The following SUMF1 variants were observed in gnomAD, a reference collection of about 807,000 sequenced individuals.
The protein encoded by SUMF1 is sulfatase modifying factor 1, also known as formylglycine-generating enzyme.
A neutral mutation model predicts 47.6 loss-of-function variants in SUMF1; 48 were observed. The ratio of observed to expected loss-of-function variants is 1.01; its 90% confidence interval spans 0.80 to 1.28. The LOEUF is 1.28. Among genes scored for constraint, SUMF1 ranks in the 50% most tolerant of loss-of-function variants. The pLI, the probability that SUMF1 is intolerant of heterozygous loss-of-function variation, is 0.00. For missense variants in SUMF1, 571 were observed against 485.4 expected (o/e 1.18, Z -1.66); for synonymous variants, 230 against 192.1 (o/e 1.20, Z -1.63).
At chr3:4,447,658 C>T (rs1192954670) in intron 3 of SUMF1, among the ~76,000 whole-genome samples, 1 of 152,128 alleles carries the variant, frequency 6.6e-6, no homozygotes, top group African/African-American at 2.4e-5. Flanking sequence ...CTTAGCTCTC[C>T]CTGATCATTG....
chr3:4,220,605 G>A (rs1046351142), intron 8 of SUMF1, among the ~76,000 whole-genome samples: 2 of 151,798 alleles, frequency 1.3e-5, no homozygotes, highest in Non-Finnish European at 2.9e-5. Context: ...AGTGTTCTTG[G>A]ATGATGTTTT....
chr3:4,244,029 T>C (rs7626456), intron 8 of SUMF1, among the ~76,000 whole-genome samples: 4,407 of 152,270 alleles, frequency 0.029, 212 homozygotes, highest in African/African-American at 0.1. Context: ...TCTTTATCTC[T>C]TTTGATCTTT....
At chr3:4,055,947 T>C (rs547890787) in intron 9 of SUMF1, among the ~76,000 whole-genome samples, 66 of 152,258 alleles carry the variant, frequency 4.3e-4, no homozygotes, top group African/African-American at 1.6e-3. Context: ...TCTTCCTCTA[T>C]CTTCAAAGCC....
intron 3 of SUMF1, among the ~76,000 whole-genome samples, chr3:4,434,597 T>C (rs1203516067): frequency 6.6e-6 from 1 of 152,228 alleles, no homozygotes; most frequent in Non-Finnish European, 1.5e-5. Context: ...CTGTACCAGG[T>C]GGTACTGTAT....
At chr3:4,207,226 A>G (rs1355408749) in intron 8 of SUMF1, among the ~76,000 whole-genome samples, 2 of 152,156 alleles carry the variant, frequency 1.3e-5, no homozygotes, top group Non-Finnish European at 1.5e-5. Flanking sequence ...CTTGCTTATT[A>G]AGGCAGATTC....
chr3:4,394,123 T>G (rs894388047), intron 7 of SUMF1, among the ~76,000 whole-genome samples: 1 of 152,128 alleles, frequency 6.6e-6, no homozygotes, highest in African/African-American at 2.4e-5. Context: ...GTTTTTATTA[T>G]TATTTTTTTA....
chr3:4,454,167 T>C (rs1025528642), intron 1 of SUMF1, among the ~76,000 whole-genome samples: 79 of 152,288 alleles, frequency 5.2e-4, no homozygotes, highest in African/African-American at 1.6e-3. Context: ...TAATTCCTTA[T>C]AAAAACCCTA....
intron 9 of SUMF1, among the ~76,000 whole-genome samples, chr3:4,040,553 A>T (rs368531114): frequency 6.6e-6 from 1 of 152,348 alleles, no homozygotes; most frequent in East Asian, 1.9e-4. Context: ...ATCAACTTCC[A>T]AAATACTCGT....
At chr3:4,212,811 G>A (rs551314139) in intron 8 of SUMF1, among the ~76,000 whole-genome samples, 24 of 152,114 alleles carry the variant, frequency 1.6e-4, no homozygotes, top group East Asian at 3.9e-4. Flanking sequence ...AAAGGATATC[G>A]GTTATTCAAG....
intron 8 of SUMF1, among the ~76,000 whole-genome samples, chr3:4,115,297 T>C (rs1693396361): frequency 6.6e-6 from 1 of 152,072 alleles, no homozygotes; most frequent in African/African-American, 2.4e-5. Context: ...TGAGAGCTAC[T>C]TCTACTCAAC....
At chr3:4,252,360 AC>A (rs1696822169) in intron 8 of SUMF1, among the ~76,000 whole-genome samples, 2 of 129,746 alleles carry the variant, frequency 1.5e-5, no homozygotes, top group African/African-American at 6.0e-5. Context: ...GCGCACACAC[AC>A]ACACACACAC....
chr3:4,262,453 T>A (rs1295631478), intron 8 of SUMF1, among the ~76,000 whole-genome samples: 1 of 151,994 alleles, frequency 6.6e-6, no homozygotes, highest in Non-Finnish European at 1.5e-5. Context: ...AAAAGACAAT[T>A]ATTGATAGAC....
intron 8 of SUMF1, among the ~76,000 whole-genome samples, chr3:4,311,668 G>A (rs1342929801): frequency 1.3e-5 from 2 of 152,222 alleles, no homozygotes; most frequent in Non-Finnish European, 2.9e-5. Flanking sequence ...CTCAGGCAGA[G>A]CCAAATATCC....
intron 8 of SUMF1, among the ~76,000 whole-genome samples, chr3:4,165,424 C>G (rs1391790554): frequency 1.3e-5 from 2 of 151,910 alleles, no homozygotes; most frequent in African/African-American, 4.8e-5. Context: ...TTACTTATTT[C>G]CTTCTGGGTG....
intron 8 of SUMF1, among the ~76,000 whole-genome samples, chr3:4,249,271 T>C (rs904060031): frequency 6.6e-6 from 1 of 152,124 alleles, no homozygotes; most frequent in African/African-American, 2.4e-5. Context: ...ATACAGACAG[T>C]CTTATTTTAT....
chr3:4,165,456 T>C (rs1325584835), intron 8 of SUMF1, among the ~76,000 whole-genome samples: 1 of 152,052 alleles, frequency 6.6e-6, no homozygotes, highest in African/African-American at 2.4e-5. Context: ...AGGAGGCTTA[T>C]CATTAACAGG....
chr3:4,259,272 AT>A (rs1257800403), intron 8 of SUMF1, among the ~76,000 whole-genome samples: 1 of 152,130 alleles, frequency 6.6e-6, no homozygotes, highest in Non-Finnish European at 1.5e-5. Context: ...ATAAAAATAA[AT>A]AAATAAATAA....
chr3:4,150,493 C>T (rs1018665246), intron 8 of SUMF1, among the ~76,000 whole-genome samples: 2 of 150,164 alleles, frequency 1.3e-5, no homozygotes, highest in East Asian at 2.0e-4. Flanking sequence ...ACCGGGGAGG[C>T]GGAGGTTGCA....
intron 8 of SUMF1, among the ~76,000 whole-genome samples, chr3:4,157,291 C>G (rs1384965172): frequency 6.6e-6 from 1 of 151,474 alleles, no homozygotes; most frequent in East Asian, 1.9e-4. Flanking sequence ...CTAGTAACCA[C>G]TTCAGGGAAG....
Sources: gnomAD v4.1 joint callset for allele counts (sites outside exome capture counted in the v4.1 genomes callset) on GRCh38, gnomAD v4.1.1 for gene constraint, MANE v1.5 for transcripts, NCBI Gene and HGNC (gene_info 2026-07-23, HGNC 2026-07-21) for gene names.